Variants in CACNA1E observed in about 807,000 individuals in gnomAD.
The protein encoded by CACNA1E is voltage-dependent R-type calcium channel subunit alpha-1E.
CACNA1E carries 40 observed loss-of-function variants against 259.2 expected under a neutral mutation model. That is an observed-to-expected ratio of 0.15 (90% CI 0.12 to 0.20). The LOEUF is 0.20. Ranked by LOEUF, CACNA1E falls within the 10% of genes least tolerant of loss-of-function variation. The probability of loss-of-function intolerance (pLI) is 1.00; values close to 1 mark genes in which losing one functional copy is unlikely to be tolerated. For synonymous variants in CACNA1E, 1,104 were observed against 1,138.5 expected, an observed-to-expected ratio of 0.97 and a Z score of 0.61; for missense variants, 1,874 against 3,040.1, an observed-to-expected ratio of 0.62 and a Z score of 9.02.
intron 1 of CACNA1E, among the ~76,000 whole-genome samples, chr1:181,398,289 C>A (rs1055277750): frequency 2.6e-5 from 4 of 152,134 alleles, no homozygotes; most frequent in Non-Finnish European, 5.9e-5. Context: ...ACAAACAAGG[C>A]AAAACAAAAT....
At chr1:181,586,802 C>A (rs1364349753) in intron 6 of CACNA1E, among the ~76,000 whole-genome samples, 2 of 152,076 alleles carry the variant, frequency 1.3e-5, no homozygotes, top group Admixed American at 6.5e-5. Context: ...TCAGATGGGT[C>A]AAGGAAGGTG....
chr1:181,544,282 C>T (rs1284384244), intron 3 of CACNA1E, among the ~76,000 whole-genome samples: 1 of 151,956 alleles, frequency 6.6e-6, no homozygotes, highest in African/African-American at 2.4e-5. Flanking sequence ...ATAGTTGTTA[C>T]GAAAGGCTGG....
intron 3 of CACNA1E, among the ~76,000 whole-genome samples, chr1:181,566,539 C>T (rs1181403835): frequency 6.6e-6 from 1 of 152,164 alleles, no homozygotes; most frequent in South Asian, 2.1e-4. Context: ...TTGTTTCTAT[C>T]ATACTGAGGT....
chr1:181,372,139 A>C (rs1654751838), intron 1 of CACNA1E, among the ~76,000 whole-genome samples: 1 of 152,190 alleles, frequency 6.6e-6, no homozygotes, highest in Non-Finnish European at 1.5e-5. Flanking sequence ...GAAAAATGAC[A>C]TTGGTAGTTC....
chr1:181,536,456 C>T (rs1460728068), intron 3 of CACNA1E, among the ~76,000 whole-genome samples: 2 of 152,162 alleles, frequency 1.3e-5, no homozygotes, highest in Non-Finnish European at 2.9e-5. Flanking sequence ...TTCAATTGCA[C>T]CATCTCTAGG....
intron 7 of CACNA1E, among the ~76,000 whole-genome samples, chr1:181,659,508 G>A (rs749228372): frequency 1.1e-4 from 17 of 152,150 alleles, no homozygotes; most frequent in Non-Finnish European, 2.2e-4. Context: ...ACAGGGCAGC[G>A]GCTAACACAA....
Position 181,763,547 on chromosome 1 carries a change from A to T in CACNA1E, c.4815+16A>T. ...GTCCTTTAAGGTAAGAGGTACCAGC[A>T]AATCCTCTCTGAGGGTTGTCATATC... On this transcript the variant is annotated intron_variant, in intron 34 of 47. Coordinates refer to ENST00000367573, the MANE Select transcript of CACNA1E (RefSeq NM_001205293.3). 1 of 1,546,548 alleles carries T rather than the reference A, an allele frequency of 6.5e-7. No individual in the cohort carries two copies. The highest frequency in any genetic ancestry group is 8.8e-7 in the Non-Finnish European group (1 of 1,133,570).
intron 6 of CACNA1E, among the ~76,000 whole-genome samples, chr1:181,630,848 A>T (rs1656664086): frequency 6.6e-6 from 1 of 152,170 alleles, no homozygotes; most frequent in South Asian, 2.1e-4. Flanking sequence ...AGCTCTTTCC[A>T]GAGTAAGTCT....
intron 1 of CACNA1E, among the ~76,000 whole-genome samples, chr1:181,500,418 C>T (rs12088029): frequency 6.6e-6 from 1 of 152,146 alleles, no homozygotes; most frequent in Non-Finnish European, 1.5e-5. Context: ...TGAAATTGGC[C>T]ATGGAGAGAG....
chr1:181,392,310 C>T (rs1656357177), intron 1 of CACNA1E, among the ~76,000 whole-genome samples: 1 of 152,160 alleles, frequency 6.6e-6, no homozygotes, highest in Non-Finnish European at 1.5e-5. Context: ...CATTCAATTC[C>T]TATCATTCTT....
chr1:181,607,732 A>C (rs1283667476), intron 6 of CACNA1E, among the ~76,000 whole-genome samples: 2 of 152,236 alleles, frequency 1.3e-5, no homozygotes, highest in African/African-American at 2.4e-5. Context: ...TTAAGTAAGG[A>C]TGCTGGGGAG....
At chr1:181,697,025 A>G (rs1055289542) in intron 7 of CACNA1E, among the ~76,000 whole-genome samples, 2 of 152,224 alleles carry the variant, frequency 1.3e-5, no homozygotes, top group Admixed American at 1.3e-4. Context: ...GAGCAGGATG[A>G]GGAAGAGATA....
chr1:181,391,980 T>TGTGTG (rs1656334318), intron 1 of CACNA1E, among the ~76,000 whole-genome samples: 1 of 150,684 alleles, frequency 6.6e-6, no homozygotes, highest in Non-Finnish European at 1.5e-5. Flanking sequence ...TGTGTGTGTG[T>TGTGTG]TTAGTGGAAG....
chr1:181,376,286 A>C (rs539654469), intron 1 of CACNA1E, among the ~76,000 whole-genome samples: 1 of 152,332 alleles, frequency 6.6e-6, no homozygotes, highest in South Asian at 2.1e-4. Context: ...TTTGCCTTCA[A>C]ATAAACTCTG....
At chr1:181,589,451 G>T (rs1056666604) in intron 6 of CACNA1E, among the ~76,000 whole-genome samples, 21 of 152,160 alleles carry the variant, frequency 1.4e-4, no homozygotes, top group African/African-American at 5.1e-4. Context: ...TCAGGTGCAT[G>T]GGTACATACA....
intron 29 of CACNA1E, 78 bp from the exon 30 acceptor site, chr1:181,756,847 A>T (rs1658132664): frequency 3.0e-6 from 3 of 995,728 alleles, no homozygotes; most frequent in Non-Finnish European, 4.7e-6. Flanking sequence ...CAGATAAAAA[A>T]TTATAATAGG....
At chr1:181,511,622 G>A (rs1666174609) in intron 3 of CACNA1E, 112 bp downstream of exon 3, 5 of 1,263,700 alleles carry the variant, frequency 4.0e-6, no homozygotes, top group East Asian at 2.3e-5. Flanking sequence ...TAGAGTAGGG[G>A]CAGAAGAAAA....
rs1037442741 is a variant in CACNA1E, at chr1:181,356,702, C to T, written c.-15+38579C>T. 1.4e-4 allele frequency among the ~76,000 whole-genome samples: 22 copies of T among 152,312 alleles called. No homozygotes were observed. The East Asian group carries it at 3.1e-3, about 21-fold the overall frequency. ...TCTGCCACCTTGGAGGAAGCTGCGG[C>T]GGTGGAGGCTGTTCCAGGCTCTACT... On this transcript the variant is annotated intron_variant, in intron 1 of 11. Transcript: ENST00000524607.
At chr1:181,753,192 T>A (rs1192123740) in intron 27 of CACNA1E, among the ~76,000 whole-genome samples, 2 of 152,200 alleles carry the variant, frequency 1.3e-5, no homozygotes, top group African/African-American at 2.4e-5. Flanking sequence ...ATTCCCTAAC[T>A]TCAGCATCAC....
Sources: gnomAD v4.1 joint callset for allele counts (sites outside exome capture counted in the v4.1 genomes callset) on GRCh38, gnomAD v4.1.1 for gene constraint, MANE v1.5 for transcripts, NCBI Gene and HGNC (gene_info 2026-07-23, HGNC 2026-07-21) for gene names.